Variants in ATG7 observed in about 807,000 individuals in gnomAD.
The protein encoded by ATG7 is autophagy related 7.
In ATG7, 70 loss-of-function variants were observed where a neutral mutation model predicts 82.4. That is an observed-to-expected ratio of 0.85 (90% confidence interval 0.70 to 1.04). The LOEUF is 1.04. Ranked by LOEUF, ATG7 falls within the 50% of genes least tolerant of loss-of-function variation. The pLI is 0.00. For missense variants in ATG7, 792 were observed against 864.3 expected, an observed-to-expected ratio of 0.92 and a Z score of 1.05; for synonymous variants, 287 against 313.0, an observed-to-expected ratio of 0.92 and a Z score of 0.88.
intron 20 of ATG7, among the ~76,000 whole-genome samples, chr3:11,511,685 C>T (rs1249118954): frequency 1.3e-5 from 2 of 152,200 alleles, no homozygotes; most frequent in Non-Finnish European, 2.9e-5. Context: ...CACAGGAGCC[C>T]ATGGCGGGGG....
rs369940649 is a variant in ATG7, at chr3:11,543,729, A to G, written c.2080-11082A>G. 1.4e-4 allele frequency among the ~76,000 whole-genome samples: 22 copies of G among 152,324 alleles called. No individual in the cohort carries two copies. In the South Asian group the frequency reaches 4.3e-3, roughly 30 times the overall value. ...AGCCTGGCCAACATGGTGAAACCCC[A>G]TCTCTACTAAAAATACCAAAAAATT... On this transcript the variant is annotated intron_variant, in intron 20 of 20. Transcript: ENST00000693202.
At position 11,375,356 on chromosome 3, in the gene ATG7, C is replaced by T. The variant is rs137907131; in HGVS notation, c.1876-4616C>T. ...AAACTTGGCAAATGATTTAAATAGA[C>T]ATTTCTCCAAAAAAGATAGACAAGT... is the stretch of plus-strand genomic sequence containing the variant. On this transcript the variant is annotated intron_variant, in intron 18 of 20. Coordinates refer to ENST00000693202, the MANE Select transcript of ATG7 (RefSeq NM_001349232.2). Among the ~76,000 whole-genome samples, 779 of 152,250 alleles carry T rather than the reference C, an allele frequency of 5.1e-3. 10 individuals carry two copies. Among genetic ancestry groups the T allele is most frequent in the African/African-American group, 0.018 (747 of 41,538 alleles).
chr3:11,395,585 C>T (rs1010044537), intron 19 of ATG7, among the ~76,000 whole-genome samples: 1 of 152,176 alleles, frequency 6.6e-6, no homozygotes. Context: ...GAAATAACTT[C>T]TTTAGTGTGC....
chr3:11,409,407 C>A (rs1033210649), intron 19 of ATG7, among the ~76,000 whole-genome samples: 1 of 152,240 alleles, frequency 6.6e-6, no homozygotes, highest in African/African-American at 2.4e-5. Flanking sequence ...CTATGTTGCA[C>A]TGTGTTGCCA....
chr3:11,558,285 G>T, downstream of ATG7: 1 of 553,496 alleles, frequency 1.8e-6, no homozygotes, highest in South Asian at 2.7e-5. Context: ...TGCATCAGAG[G>T]TTTCTTTGGT....
At chr3:11,496,845 C>T (rs948991840) in intron 20 of ATG7, among the ~76,000 whole-genome samples, 5 of 152,012 alleles carry the variant, frequency 3.3e-5, no homozygotes, top group Admixed American at 1.3e-4. Flanking sequence ...TATGTCATGT[C>T]TTTTTATTAT....
intron 20 of ATG7, among the ~76,000 whole-genome samples, chr3:11,485,429 T>C (rs1194642319): frequency 2.6e-5 from 4 of 152,236 alleles, no homozygotes; most frequent in African/African-American, 9.6e-5. Flanking sequence ...TCATTGTAGA[T>C]TCTGGACATT....
At chr3:11,345,109 T>C (rs1169890811) in intron 13 of ATG7, among the ~76,000 whole-genome samples, 1 of 152,068 alleles carries the variant, frequency 6.6e-6, no homozygotes, top group Non-Finnish European at 1.5e-5. Flanking sequence ...CCTGATGCAT[T>C]TAAGAATTTT....
intron 20 of ATG7, among the ~76,000 whole-genome samples, chr3:11,473,608 A>G (rs1047272170): frequency 4.6e-5 from 7 of 152,202 alleles, no homozygotes; most frequent in African/African-American, 1.2e-4. Flanking sequence ...CCTAAAGGCA[A>G]GGATCAAGAC....
chr3:11,550,899 C>T (rs1306461710), intron 20 of ATG7, among the ~76,000 whole-genome samples: 2 of 151,682 alleles, frequency 1.3e-5, no homozygotes, highest in South Asian at 2.1e-4. Context: ...TGAGCTTACC[C>T]GTGTTTGTAT....
chr3:11,572,800 G>A, the ATG7 span, among the ~76,000 whole-genome samples: 1 of 152,100 alleles, frequency 6.6e-6, no homozygotes, highest in Non-Finnish European at 1.5e-5. Flanking sequence ...TCTTCCATAC[G>A]AATACACCAC....
At chr3:11,553,400 G>C (rs562438742) in intron 20 of ATG7, among the ~76,000 whole-genome samples, 1 of 147,122 alleles carries the variant, frequency 6.8e-6, no homozygotes, top group Non-Finnish European at 1.5e-5. Context: ...ATGGGAGAGT[G>C]AAAGAATGGA....
chr3:11,368,883 GTAC>G (rs2152826153), intron 18 of ATG7, among the ~76,000 whole-genome samples: 1 of 151,154 alleles, frequency 6.6e-6, no homozygotes, highest in Non-Finnish European at 1.5e-5. Flanking sequence ...TGGTTCTAAA[GTAC>G]TGATAAAAAA....
At chr3:11,337,484 C>A (rs557775412) in intron 11 of ATG7, among the ~76,000 whole-genome samples, 71 of 146,972 alleles carry the variant, frequency 4.8e-4, no homozygotes, top group East Asian at 2.3e-3. Flanking sequence ...CTCTCTCTCT[C>A]TCTCTATATA....
At chr3:11,346,359 T>A (rs1954548472) in intron 13 of ATG7, among the ~76,000 whole-genome samples, 1 of 152,224 alleles carries the variant, frequency 6.6e-6, no homozygotes, top group South Asian at 2.1e-4. Flanking sequence ...GATAAATTGC[T>A]GGAAATAGGT....
intron 19 of ATG7, among the ~76,000 whole-genome samples, chr3:11,393,911 G>C (rs2079015609): frequency 6.6e-6 from 1 of 152,102 alleles, no homozygotes; most frequent in Admixed American, 6.5e-5. Context: ...AGACTCCTGA[G>C]CTCAAGCAGT....
intron 9 of ATG7, among the ~76,000 whole-genome samples, chr3:11,318,206 TCC>T (rs1949712956): frequency 2.6e-5 from 4 of 152,128 alleles, no homozygotes; most frequent in African/African-American, 4.8e-5. Flanking sequence ...AGGCACACTA[TCC>T]TTCACTTGGT....
chr3:11,396,189 G>A (rs1576051494), intron 19 of ATG7, among the ~76,000 whole-genome samples: 1 of 151,990 alleles, frequency 6.6e-6, no homozygotes, highest in East Asian at 1.9e-4. Context: ...GCTCATGCCT[G>A]TAATCCCAGC....
At chr3:11,472,218 A>G (rs982401062) in intron 20 of ATG7, among the ~76,000 whole-genome samples, 3 of 152,134 alleles carry the variant, frequency 2.0e-5, no homozygotes, top group Non-Finnish European at 4.4e-5. Flanking sequence ...AAAAATGTCA[A>G]TAGCAAACTT....
Sources: gnomAD v4.1 joint callset for allele counts (sites outside exome capture counted in the v4.1 genomes callset) on GRCh38, gnomAD v4.1.1 for gene constraint, MANE v1.5 for transcripts, NCBI Gene and HGNC (gene_info 2026-07-23, HGNC 2026-07-21) for gene names.